The following RYR2 variants were observed in gnomAD, a reference collection of about 807,000 sequenced individuals.
RYR2 encodes the protein ryanodine receptor 2.
RYR2 carries 227 observed loss-of-function variants against 601.1 expected under a neutral mutation model. The ratio of observed to expected loss-of-function variants is 0.38; its 90% CI spans 0.34 to 0.42. The LOEUF is 0.42. Among genes scored for constraint, RYR2 ranks in the 10% least tolerant of loss-of-function variants. RYR2 has a pLI of 1.00. For synonymous variants in RYR2, 2,223 were observed against 2,175.1 expected, an observed-to-expected ratio of 1.02 and a Z score of -0.61; for missense variants, 4,646 against 6,156.5, an observed-to-expected ratio of 0.75 and a Z score of 8.21.
intron 1 of RYR2, among the ~76,000 whole-genome samples, chr1:237,173,918 G>C (rs139142622): frequency 6.6e-6 from 1 of 152,074 alleles, no homozygotes; most frequent in Admixed American, 6.5e-5. Flanking sequence ...TTAGCCTGGC[G>C]TGGTGGCGGG....
intron 1 of RYR2, among the ~76,000 whole-genome samples, chr1:237,174,994 G>A (rs1415719): frequency 0.056 from 8,475 of 152,164 alleles, 412 homozygotes; most frequent in Non-Finnish European, 0.077. Flanking sequence ...GATTTTAAGC[G>A]TGTTATTATG....
chr1:237,822,221 C>A (rs1046823129), intron 101 of RYR2, among the ~76,000 whole-genome samples: 16 of 152,104 alleles, frequency 1.1e-4, no homozygotes, highest in African/African-American at 3.9e-4. Context: ...GACACATAAT[C>A]GTCAGATTCA....
chr1:237,187,704 CAA>C (rs891550428), intron 1 of RYR2, among the ~76,000 whole-genome samples: 10 of 152,012 alleles, frequency 6.6e-5, no homozygotes, highest in Admixed American at 5.2e-4. Context: ...TCAGCCTCCC[CAA>C]AGTGTTGGTA....
chr1:237,739,916 G>C (rs1481702234), intron 79 of RYR2, among the ~76,000 whole-genome samples: 1 of 152,204 alleles, frequency 6.6e-6, no homozygotes, highest in Non-Finnish European at 1.5e-5. Flanking sequence ...TTTGAATTCT[G>C]TTGTGGATAC....
At chr1:237,389,401 G>A (rs1702198209) in intron 10 of RYR2, among the ~76,000 whole-genome samples, 1 of 152,148 alleles carries the variant, frequency 6.6e-6, no homozygotes, top group South Asian at 2.1e-4. Context: ...TTGTTAGGAA[G>A]GGATGTGGGG....
chr1:237,718,962 G>T (rs1206996221), intron 73 of RYR2, among the ~76,000 whole-genome samples: 1 of 152,076 alleles, frequency 6.6e-6, no homozygotes, highest in East Asian at 1.9e-4. Context: ...ACGTAGAGAA[G>T]GTGTCTATAA....
At chr1:237,328,212 C>G (rs1393400445) in intron 2 of RYR2, among the ~76,000 whole-genome samples, 2 of 151,862 alleles carry the variant, frequency 1.3e-5, no homozygotes, top group Non-Finnish European at 2.9e-5. Flanking sequence ...TTCAGCAGTG[C>G]CAAAGTATAA....
At chr1:237,647,464 G>C (rs1482077989) in intron 48 of RYR2, among the ~76,000 whole-genome samples, 2 of 152,154 alleles carry the variant, frequency 1.3e-5, no homozygotes, top group Admixed American at 6.5e-5. Context: ...TAATTATAAG[G>C]AACGAATACT....
intron 10 of RYR2, among the ~76,000 whole-genome samples, chr1:237,413,732 C>T (rs994826417): frequency 2.6e-5 from 4 of 152,004 alleles, no homozygotes; most frequent in African/African-American, 9.7e-5. Context: ...ACATAATTTA[C>T]ACTCTTGCAT....
At chr1:237,302,678 A>T (rs1445293769) in intron 2 of RYR2, among the ~76,000 whole-genome samples, 1 of 152,262 alleles carries the variant, frequency 6.6e-6, no homozygotes, top group Non-Finnish European at 1.5e-5. Flanking sequence ...ATCTAAATTT[A>T]TCAGACAGAC....
rs1377288591 is a variant in RYR2 at position 237,148,553 on chromosome 1, T to TACATAC, written c.48+105987_48+105988insTACACA. Among the ~76,000 whole-genome samples, 511 of 105,700 alleles carry TACATAC rather than the reference T, an allele frequency of 4.8e-3. 8 individuals are homozygous for TACATAC. The highest frequency in any genetic ancestry group is 0.019 in the African/African-American group (479 of 25,030). 69.3% of individuals were successfully genotyped at this position (105,700 alleles called of 152,430 possible). Reference sequence around the variant, plus strand: ...ATATATATATATATATATATATATATACACACACACATATATATATATATA... The same window carrying TACATAC: ...ATATATATATATATATATATATATATACATACACACACACACATATATATATATATA... On this transcript the variant is annotated intron_variant, in intron 1 of 104. Coordinates refer to ENST00000366574, the MANE Select transcript of RYR2 (RefSeq NM_001035.3).
At chr1:237,276,965 T>A (rs1435816220) in intron 2 of RYR2, among the ~76,000 whole-genome samples, 3 of 152,118 alleles carry the variant, frequency 2.0e-5, no homozygotes, top group East Asian at 1.9e-4. Flanking sequence ...TAAGAAAAAA[T>A]TTTTTGCAAA....
intron 16 of RYR2, among the ~76,000 whole-genome samples, chr1:237,457,086 T>C (rs1374336116): frequency 2.0e-5 from 3 of 152,192 alleles, no homozygotes; most frequent in African/African-American, 7.2e-5. Flanking sequence ...AGAAGTAGAT[T>C]TGCCTTTGGT....
Position 237,694,519 on chromosome 1 carries a change from T to C in RYR2, c.9068-4446T>C, listed in dbSNP as rs1000067668. 6.6e-5 allele frequency among the ~76,000 whole-genome samples: 10 copies of C among 152,244 alleles called. No individual in the cohort carries two copies. The East Asian group carries it at 1.9e-3, about 29-fold the overall frequency. Reference sequence around the variant, plus strand: ...TGACAATATGCATGGCAAAAACAACTATTTCCTGGATTTAACTTATTATAT... The same window carrying C: ...TGACAATATGCATGGCAAAAACAACCATTTCCTGGATTTAACTTATTATAT... On this transcript the variant is annotated intron_variant, in intron 63 of 104. Coordinates refer to ENST00000366574, the MANE Select transcript of RYR2 (RefSeq NM_001035.3).
chr1:237,476,281 G>A (rs1182336664), intron 17 of RYR2, among the ~76,000 whole-genome samples: 1 of 151,964 alleles, frequency 6.6e-6, no homozygotes, highest in African/African-American at 2.4e-5. Context: ...AGGCTGAGGT[G>A]GGTGGATCAC....
intron 1 of RYR2, among the ~76,000 whole-genome samples, chr1:237,085,773 G>A (rs1224044709): frequency 1.3e-5 from 2 of 152,012 alleles, no homozygotes; most frequent in Admixed American, 6.6e-5. Flanking sequence ...TTTTTGAGAG[G>A]AGGTGTCCCT....
At chr1:237,439,309 C>G (rs547647054) in intron 12 of RYR2, among the ~76,000 whole-genome samples, 1 of 152,290 alleles carries the variant, frequency 6.6e-6, no homozygotes, top group South Asian at 2.1e-4. Flanking sequence ...TCTAATGTAA[C>G]TTCAGCATTT....
At chr1:237,470,958 C>CTGCACCAGAG (rs1183826238) in intron 17 of RYR2, among the ~76,000 whole-genome samples, 1 of 152,014 alleles carries the variant, frequency 6.6e-6, no homozygotes, top group Non-Finnish European at 1.5e-5. Flanking sequence ...GAAATCTGGC[C>CTGCACCAGAG]TGCACCAGAG....
chr1:237,828,257 T>G, intron 101 of RYR2, 124 bp from the exon 102 acceptor site: 1 of 612,416 alleles, frequency 1.6e-6, no homozygotes, highest in Non-Finnish European at 2.9e-6. Context: ...TGTAGTCACG[T>G]TTACCATGTT....
Sources: gnomAD v4.1 joint callset for allele counts (sites outside exome capture counted in the v4.1 genomes callset) on GRCh38, gnomAD v4.1.1 for gene constraint, MANE v1.5 for transcripts, NCBI Gene and HGNC (gene_info 2026-07-23, HGNC 2026-07-21) for gene names.